CTNNA2: variants seen among roughly 807,000 people sequenced by gnomAD.
The protein encoded by CTNNA2 is catenin alpha-2.
A neutral mutation model predicts 101.0 loss-of-function variants in CTNNA2; 42 were observed. The observed-to-expected ratio is 0.42, with a 90% CI of 0.32 to 0.54. CTNNA2 has a LOEUF of 0.54. Ranked by LOEUF, CTNNA2 falls within the 20% of genes least tolerant of loss-of-function variation. CTNNA2 has a pLI of 0.14. For missense variants in CTNNA2, 871 were observed against 1,223.1 expected (o/e 0.71, Z 4.29); for synonymous variants, 450 against 456.4 (o/e 0.99, Z 0.18).
intron 4 of CTNNA2, among the ~76,000 whole-genome samples, chr2:79,457,570 A>G (rs1007311534): frequency 1.1e-4 from 17 of 152,230 alleles, no homozygotes; most frequent in African/African-American, 4.1e-4. Flanking sequence ...GTAAAACCAG[A>G]GCAAGCCCAG....
intron 8 of CTNNA2, among the ~76,000 whole-genome samples, chr2:80,396,090 A>G (rs1677986661): frequency 6.6e-6 from 1 of 152,168 alleles, no homozygotes; most frequent in African/African-American, 2.4e-5. Flanking sequence ...GTGGAATTAG[A>G]CTTGTAGATA....
chr2:80,631,094 A>C (rs985479717), intron 18 of CTNNA2, among the ~76,000 whole-genome samples: 1 of 152,194 alleles, frequency 6.6e-6, no homozygotes, highest in African/African-American at 2.4e-5. Context: ...TCTTGTAATA[A>C]ATATGGAGGT....
intron 7 of CTNNA2, among the ~76,000 whole-genome samples, chr2:80,047,573 T>G (rs1407374700): frequency 1.3e-5 from 2 of 152,148 alleles, no homozygotes; most frequent in Non-Finnish European, 2.9e-5. Flanking sequence ...CTCCAGTGTA[T>G]GCAGGAAGAG....
intron 7 of CTNNA2, among the ~76,000 whole-genome samples, chr2:79,947,888 G>T (rs1182481006): frequency 1.3e-5 from 2 of 152,152 alleles, no homozygotes; most frequent in East Asian, 3.9e-4. Flanking sequence ...TGGACTTAAA[G>T]AGGCAGATTT....
intron 7 of CTNNA2, among the ~76,000 whole-genome samples, chr2:79,913,665 A>G (rs1321377598): frequency 1.3e-5 from 2 of 152,218 alleles, no homozygotes; most frequent in African/African-American, 4.8e-5. Flanking sequence ...GAAGTGGCAT[A>G]AAGTATTCAA....
chr2:80,227,849 C>CA (rs144423283), intron 7 of CTNNA2, among the ~76,000 whole-genome samples: 45 of 149,562 alleles, frequency 3.0e-4, no homozygotes, highest in Middle Eastern at 3.4e-3. Flanking sequence ...AAACAAAAAA[C>CA]AAAAAAAAAC....
chr2:80,457,263 C>T (rs186968119), intron 9 of CTNNA2, among the ~76,000 whole-genome samples: 102 of 152,052 alleles, frequency 6.7e-4, no homozygotes, highest in African/African-American at 2.3e-3. Flanking sequence ...GGGATTTCGC[C>T]GTGTTGGCAA....
intron 1 of CTNNA2, among the ~76,000 whole-genome samples, chr2:79,194,603 G>A (rs1031972029): frequency 1.3e-5 from 2 of 152,182 alleles, no homozygotes; most frequent in Admixed American, 1.3e-4. Flanking sequence ...TGATGCTAGT[G>A]GCTTCTCTGT....
chr2:79,221,183 G>A (rs1674340840), intron 2 of CTNNA2, among the ~76,000 whole-genome samples: 1 of 152,064 alleles, frequency 6.6e-6, no homozygotes, highest in Non-Finnish European at 1.5e-5. Flanking sequence ...AGGTGTTGCT[G>A]TGTTGCCCAG....
intron 7 of CTNNA2, among the ~76,000 whole-genome samples, chr2:80,306,220 T>G (rs1221709767): frequency 1.3e-5 from 2 of 152,184 alleles, no homozygotes; most frequent in Non-Finnish European, 2.9e-5. Flanking sequence ...AAATCTGAAA[T>G]GTCCTAGACA....
chr2:80,155,869 A>G (rs1703973700), intron 7 of CTNNA2, among the ~76,000 whole-genome samples: 3 of 152,210 alleles, frequency 2.0e-5, no homozygotes, highest in Admixed American at 6.5e-5. Flanking sequence ...CAGTTCTCAG[A>G]TGTGAAGTAG....
intron 15 of CTNNA2, among the ~76,000 whole-genome samples, chr2:80,589,878 G>GTA (rs1696291182): frequency 7.0e-6 from 1 of 142,184 alleles, no homozygotes; most frequent in Non-Finnish European, 1.6e-5. Context: ...GTGTGTGTGT[G>GTA]TGTGTGTGTG....
intron 7 of CTNNA2, among the ~76,000 whole-genome samples, chr2:80,205,230 T>A (rs1707460625): frequency 6.6e-6 from 1 of 152,160 alleles, no homozygotes; most frequent in African/African-American, 2.4e-5. Context: ...AAGGATTGTA[T>A]TTTGATCCCA....
At chr2:80,006,469 G>A (rs1693358498) in intron 7 of CTNNA2, among the ~76,000 whole-genome samples, 1 of 151,768 alleles carries the variant, frequency 6.6e-6, no homozygotes, top group Admixed American at 6.6e-5. Context: ...TCACAACCTC[G>A]GAGACCACAC....
chr2:80,343,949 C>A (rs1256118736), intron 7 of CTNNA2, among the ~76,000 whole-genome samples: 2 of 152,124 alleles, frequency 1.3e-5, no homozygotes, highest in Admixed American at 6.5e-5. Context: ...ATTCCTTTAT[C>A]CCTTTGGTAA....
intron 4 of CTNNA2, among the ~76,000 whole-genome samples, chr2:79,444,850 T>A (rs1050283966): frequency 2.0e-5 from 3 of 152,150 alleles, no homozygotes; most frequent in Non-Finnish European, 2.9e-5. Context: ...TCACTTTTGC[T>A]TACCCCTGTG....
chr2:80,030,885 A>G (rs1695242022), intron 7 of CTNNA2, among the ~76,000 whole-genome samples: 1 of 152,198 alleles, frequency 6.6e-6, no homozygotes, highest in Admixed American at 6.5e-5. Flanking sequence ...GACATAAAAA[A>G]GTGGTCAACT....
At chr2:79,398,073 C>A (rs76730488) in intron 4 of CTNNA2, among the ~76,000 whole-genome samples, 1 of 152,118 alleles carries the variant, frequency 6.6e-6, no homozygotes, top group Admixed American at 6.6e-5. Flanking sequence ...AAGTCTCAGT[C>A]TTTTATCCCA....
chr2:79,973,507 A>C (rs1421641996), intron 7 of CTNNA2, among the ~76,000 whole-genome samples: 1 of 152,194 alleles, frequency 6.6e-6, no homozygotes, highest in Non-Finnish European at 1.5e-5. Flanking sequence ...GGAACAGAGA[A>C]GATTTATTGG....
Sources: gnomAD v4.1 joint callset for allele counts (sites outside exome capture counted in the v4.1 genomes callset) on GRCh38, gnomAD v4.1.1 for gene constraint, MANE v1.5 for transcripts, NCBI Gene and HGNC (gene_info 2026-07-23, HGNC 2026-07-21) for gene names.